Variants in ETV1 observed in about 807,000 individuals in gnomAD.
ETV1 encodes the protein ETS translocation variant 1.
Under a neutral mutation model 62.3 loss-of-function variants are expected in ETV1, and 27 were observed. The ratio of observed to expected loss-of-function variants is 0.43; its 90% CI spans 0.32 to 0.60. ETV1 has a LOEUF of 0.60. ETV1 is among the 20% of genes least tolerant of loss of function. ETV1 has a pLI of 0.06. For synonymous variants in ETV1, 222 were observed against 199.6 expected (o/e 1.11, Z -0.94); for missense variants, 605 against 605.8 (o/e 1.00, Z 0.01).
chr7:13,917,825 G>T lies in ETV1; in HGVS notation c.803-6518C>A, dbSNP rs896006615. Among the ~76,000 whole-genome samples, 4 of 151,948 alleles carry T rather than the reference G, an allele frequency of 2.6e-5. No individual in the cohort carries two copies. The East Asian group carries it at 5.9e-4, about 23-fold the overall frequency. ...TGAAAACACAAAAAATTAGCCGGGC[G>T]TGGTGGCGGGCACCAGTAGTCCCAG... On this transcript the variant is annotated intron_variant, in intron 9 of 13. Transcript: ENST00000430479.
chr7:13,917,576 C>G (rs924405218), intron 9 of ETV1, among the ~76,000 whole-genome samples: 2 of 151,868 alleles, frequency 1.3e-5, no homozygotes, highest in African/African-American at 2.4e-5. Flanking sequence ...CTTGGCCTCC[C>G]AAAGTACTGG....
At position 13,952,277 on chromosome 7, in the gene ETV1, T is replaced by C. The variant is rs1314666032; in HGVS notation, c.236-13031A>G. 2.6e-5 allele frequency among the ~76,000 whole-genome samples: 4 copies of C among 152,166 alleles called. No individual in the cohort carries two copies. The East Asian group carries it at 7.7e-4, about 29-fold the overall frequency. Reference sequence around the variant, plus strand: ...GAAGCCATTAGGCCAAGTCATCTTTTTTATAGCTCTAAAATGTAATGCCTG... The same window carrying C: ...GAAGCCATTAGGCCAAGTCATCTTTCTTATAGCTCTAAAATGTAATGCCTG... On this transcript the variant is annotated intron_variant, in intron 6 of 13. Transcript: ENST00000430479.
At chr7:13,938,708 T>C (rs529325285) in intron 7 of ETV1, among the ~76,000 whole-genome samples, 1 of 152,342 alleles carries the variant, frequency 6.6e-6, no homozygotes, top group Non-Finnish European at 1.5e-5. Flanking sequence ...TGAACTCATC[T>C]TACAGATCAT....
chr7:13,943,354 A>G (rs1489225225), intron 6 of ETV1, among the ~76,000 whole-genome samples: 1 of 152,232 alleles, frequency 6.6e-6, no homozygotes, highest in Non-Finnish European at 1.5e-5. Context: ...TAACCTGCAA[A>G]AGATAGACAT....
chr7:13,944,741 C>T (rs1449427685), intron 6 of ETV1, among the ~76,000 whole-genome samples: 3 of 151,950 alleles, frequency 2.0e-5, no homozygotes, highest in African/African-American at 7.3e-5. Flanking sequence ...GGATTGTGTC[C>T]CATCAAAATT....
chr7:13,950,899 AACACACACACACACACACACACAC>A (rs67539493), intron 6 of ETV1, among the ~76,000 whole-genome samples: 1 of 138,816 alleles, frequency 7.2e-6, no homozygotes, highest in East Asian at 2.1e-4. Context: ...CTTCTCTAGG[AACACACACACACACACACACACAC>A]ACACACACAC....
chr7:13,918,957 CTTATT>C (rs1031299242), intron 9 of ETV1, among the ~76,000 whole-genome samples: 2 of 151,498 alleles, frequency 1.3e-5, no homozygotes, highest in African/African-American at 4.9e-5. Context: ...TATTGTCTCT[CTTATT>C]TTATCTTATC....
chr7:13,915,795 T>G (rs1232398405), intron 9 of ETV1, among the ~76,000 whole-genome samples: 1 of 152,166 alleles, frequency 6.6e-6, no homozygotes, highest in East Asian at 1.9e-4. Context: ...ACCACTCTAT[T>G]GCAGAACAAG....
intron 6 of ETV1, among the ~76,000 whole-genome samples, chr7:13,956,860 AT>A (rs1476364663): frequency 4.6e-5 from 7 of 152,178 alleles, no homozygotes; most frequent in African/African-American, 9.7e-5. Context: ...ATTTAAGTAA[AT>A]ATCAGTTACT....
chr7:13,919,565 T>TACACACACACACAC (rs35735011), intron 9 of ETV1, among the ~76,000 whole-genome samples: 11 of 135,472 alleles, frequency 8.1e-5, no homozygotes, highest in South Asian at 2.4e-4. Context: ...ATAGAAACCA[T>TACACACACACACAC]ACACACACAC....
rs753696456 is a variant in ETV1, at chr7:13,895,322, C to A, written c.*544G>T. ...AAACAGCAAATGCAATCGCTAAATA[C>A]CTTTTTACAAGTGGTGCAAAAACAG... On this transcript the variant is annotated 3_prime_UTR_variant, in exon 14 of 14. Transcript: ENST00000430479. The A allele has an allele frequency of 3.0e-5, 7 of 233,904 alleles. No individual in the cohort carries two copies. The highest frequency in any genetic ancestry group is 4.4e-5 in the African/African-American group (2 of 45,294). 14.5% of individuals were successfully genotyped at this position (233,904 alleles called of 1,614,324 possible). A position where few individuals can be genotyped will look rare whatever the true frequency, so the allele number is the denominator to read the frequency against.
chr7:13,983,370 C>T (rs1252772589), intron 5 of ETV1, among the ~76,000 whole-genome samples: 1 of 151,944 alleles, frequency 6.6e-6, no homozygotes, highest in African/African-American at 2.4e-5. Context: ...TTACATCTTT[C>T]TATTTTTGTT....
intron 6 of ETV1, among the ~76,000 whole-genome samples, chr7:13,961,768 C>A (rs962146655): frequency 6.6e-6 from 1 of 152,126 alleles, no homozygotes; most frequent in Non-Finnish European, 1.5e-5. Flanking sequence ...TTACAAGTAT[C>A]AGAATGTTTC....
Position 13,916,110 on chromosome 7 carries a change from T to G in ETV1, c.803-4803A>C, listed in dbSNP as rs181190727. 3.5e-3 allele frequency among the ~76,000 whole-genome samples: 537 copies of G among 152,306 alleles called. 6 individuals carry two copies. Among genetic ancestry groups the G allele is most frequent in the African/African-American group, 0.012 (501 of 41,560 alleles). ...GAAGGCAGCAAAGCTGGAGAAATCC[T>G]GACAAGGGAGTGATGAATTTAGTAT... On this transcript the variant is annotated intron_variant, in intron 9 of 13. Coordinates refer to ENST00000430479, the MANE Select transcript of ETV1 (RefSeq NM_004956.5).
chr7:13,935,632 C>T, intron 8 of ETV1, 76 bp downstream of exon 8: 2 of 1,237,660 alleles, frequency 1.6e-6, no homozygotes, highest in Non-Finnish European at 2.3e-6. Flanking sequence ...CTACTCTAGG[C>T]CTTCAGAATT....
chr7:13,910,737 C>A (rs111456623), intron 10 of ETV1, among the ~76,000 whole-genome samples: 3 of 152,188 alleles, frequency 2.0e-5, no homozygotes, highest in Non-Finnish European at 4.4e-5. Context: ...TTTCCTACCA[C>A]GGTTACCACA....
intron 4 of ETV1, chr7:13,987,060 G>T: frequency 5.4e-6 from 1 of 186,838 alleles, no homozygotes. Flanking sequence ...TAGTAGTAGG[G>T]GGAAGATTAG....
chr7:13,917,432 C>A (rs1026881925), intron 9 of ETV1, among the ~76,000 whole-genome samples: 3 of 151,876 alleles, frequency 2.0e-5, no homozygotes, highest in African/African-American at 7.2e-5. Context: ...ATTCTCCCGC[C>A]TCAGCCTCCC....
At chr7:13,986,041 T>A in intron 5 of ETV1, 6 of 1,191,070 alleles carry the variant, frequency 5.0e-6, no homozygotes, top group Non-Finnish European at 7.2e-6. Flanking sequence ...TAGTAACACA[T>A]GGAAAACATT....
Sources: allele counts gnomAD v4.1 joint callset (sites outside exome capture counted in the v4.1 genomes callset), GRCh38; gene constraint gnomAD v4.1.1; transcripts MANE v1.5; gene names NCBI Gene and HGNC (gene_info 2026-07-23, HGNC 2026-07-21).